The following MAPT variants were observed in gnomAD, a reference collection of about 807,000 sequenced individuals.
MAPT encodes the protein microtubule associated protein tau, also known as microtubule-associated protein tau.
In MAPT, 34 loss-of-function variants were observed where a neutral mutation model predicts 67.9. That is an observed-to-expected ratio of 0.50 (90% CI 0.38 to 0.67). The LOEUF (loss-of-function observed/expected upper bound fraction) is 0.67. Ranked by LOEUF, MAPT falls within the 30% of genes least tolerant of loss-of-function variation. The pLI, the probability that MAPT is intolerant of heterozygous loss-of-function variation, is 0.00. For missense variants in MAPT, 881 were observed against 1,115.2 expected (o/e 0.79, Z 2.99); for synonymous variants, 456 against 464.5 (o/e 0.98, Z 0.23).
intron 1 of MAPT, among the ~76,000 whole-genome samples, chr17:45,903,688 C>T (rs538007189): frequency 3.1e-4 from 38 of 124,160 alleles, no homozygotes; most frequent in African/African-American, 9.5e-4. Context: ...GCACTCTAGC[C>T]TGGGCGACAG....
intron 1 of MAPT, among the ~76,000 whole-genome samples, chr17:45,939,666 A>G (rs2067681169): frequency 6.6e-6 from 1 of 152,194 alleles, no homozygotes; most frequent in South Asian, 2.1e-4. Context: ...TTTCTCTTGA[A>G]CTGAGGAGTT....
At position 45,993,896 on chromosome 17, in the gene MAPT, A is replaced by T. The variant is rs1272240246; in HGVS notation, c.1732+2310A>T. On this transcript the variant is annotated intron_variant, in intron 8 of 12. Transcript: ENST00000262410. ...GGCCCTGTTTAAGCCTGATGATAAT[A>T]AGGCTTTCGTGGATTTTTCTCTTTA... 1.9e-6 allele frequency: 3 copies of T among 1,552,534 alleles called. No homozygotes were observed. In the African/African-American group the frequency reaches 4.1e-5, roughly 21 times the overall value.
intron 1 of MAPT, among the ~76,000 whole-genome samples, chr17:45,954,872 T>C (rs2069456316): frequency 1.3e-5 from 2 of 151,720 alleles, no homozygotes; most frequent in South Asian, 4.2e-4. Context: ...TAGTCCCAGC[T>C]ACTCGGGAGG....
chr17:45,996,754 T>G lies in MAPT; in HGVS notation c.1998+90T>G. 1 of 1,542,812 alleles carries G rather than the reference T, an allele frequency of 6.5e-7. No individual in the cohort carries two copies. The highest frequency in any genetic ancestry group is 1.2e-5 in the South Asian group (1 of 81,644). On this transcript the variant is annotated intron_variant, in intron 9 of 12. Transcript: ENST00000262410. This position sits in a 1 kb window ranked among gnomAD's most constrained non-coding sequence, Gnocchi z 4.5. ...GGAAGGGTAGGGCTGCGCCTGGAGG[T>G]GCGCGGTTGAGCGTGGAGTCGTGGG...
intron 4 of MAPT, among the ~76,000 whole-genome samples, chr17:45,982,029 AAAAAG>A (rs1158371051): frequency 2.0e-5 from 3 of 150,940 alleles, no homozygotes; most frequent in Non-Finnish European, 3.0e-5. Flanking sequence ...AAAAAAAAAA[AAAAAG>A]AAAGAAAGAA....
At chr17:45,988,614 G>GA (rs912040717) in intron 6 of MAPT, among the ~76,000 whole-genome samples, 207 of 150,668 alleles carry the variant, frequency 1.4e-3, no homozygotes, top group African/African-American at 4.9e-3. Context: ...CTGACAAACT[G>GA]AAAAAAAAAG....
intron 9 of MAPT, among the ~76,000 whole-genome samples, chr17:46,000,914 G>A (rs1258172861): frequency 6.6e-6 from 1 of 152,214 alleles, no homozygotes; most frequent in Non-Finnish European, 1.5e-5. Flanking sequence ...TCCAGACACA[G>A]AGACAAAGGA....
At chr17:45,963,746 G>T (rs184239822) in intron 2 of MAPT, among the ~76,000 whole-genome samples, 52 of 152,286 alleles carry the variant, frequency 3.4e-4, no homozygotes, top group Admixed American at 2.5e-3. Context: ...GGAGTGGGTG[G>T]GGTCTCTGGG....
In MAPT at chr17:45,903,959, T is replaced by A. The variant is rs1198946904; in HGVS notation, c.-18+9273T>A. On this transcript the variant is annotated intron_variant, in intron 1 of 12. Transcript: ENST00000262410. ...ATTTATATATAATATATATTATATA[T>A]TATATATTATATATTATATATTATA... is the stretch of plus-strand genomic sequence containing the variant. Among the ~76,000 whole-genome samples the A allele has an allele frequency of 2.7e-4, 5 of 18,550 alleles. No individual in the cohort carries two copies. The East Asian group carries it at 8.5e-3, about 31-fold the overall frequency. 12.2% of individuals were successfully genotyped at this position (18,550 alleles called of 152,430 possible).
At position 45,992,138 on chromosome 17, in the gene MAPT, T is replaced by TA. The variant is rs201140663; in HGVS notation, c.1732+561dup. The stretch of plus-strand genomic sequence containing the variant: ...AATTGAGGCTGATTCTGCAGCATGA[T>TA]AAAAAAAAATACAGAAAAAGGAAAA... On this transcript the variant is annotated intron_variant, in intron 8 of 12. Transcript: ENST00000262410. 5.3e-3 allele frequency among the ~76,000 whole-genome samples: 792 copies of TA among 149,580 alleles called. 7 individuals carry two copies. The highest frequency in any genetic ancestry group is 0.016 in the African/African-American group (661 of 40,698).
intron 8 of MAPT, chr17:45,993,985 G>A (rs1242215462): frequency 6.4e-7 from 1 of 1,565,676 alleles, no homozygotes; most frequent in Admixed American, 1.9e-5. Context: ...GAGGTACTCG[G>A]GAGCCTACTT....
intron 12 of MAPT, among the ~76,000 whole-genome samples, chr17:46,023,247 T>C (rs1386016402): frequency 6.6e-6 from 1 of 152,262 alleles, no homozygotes; most frequent in African/African-American, 2.4e-5. Context: ...ATGATGTTCA[T>C]ACGGGTTTAT....
chr17:46,011,675 C>T (rs375046816), intron 10 of MAPT, among the ~76,000 whole-genome samples: 6 of 152,240 alleles, frequency 3.9e-5, no homozygotes, highest in East Asian at 3.9e-4. Context: ...GGGTGGGAGG[C>T]GTTGATTTTT....
Position 45,990,015 on chromosome 17 carries a change from A to G in MAPT, c.1545A>G (p.Lys515=). The part of the protein sequence containing the change: ...AVCPEPPSSP[K]YVSSVTSRTG... ...GCCCAGAGCCACCTTCCTCTCCTAA[A>G]TACGTCTCTTCTGTCACTTCCCGAA... Residue 515 remains lysine, a synonymous_variant, in exon 7 of 13, where the codon AAA becomes AAG. Coordinates refer to ENST00000262410, the MANE Select transcript of MAPT (RefSeq NM_001377265.1). 6.2e-7 allele frequency: 1 copy of G among 1,614,094 alleles called. No individual in the cohort carries two copies. The highest frequency in any genetic ancestry group is 8.5e-7 in the Non-Finnish European group (1 of 1,180,040).
At chr17:45,904,465 A>T (rs113029914) in intron 1 of MAPT, among the ~76,000 whole-genome samples, 18,361 of 135,876 alleles carry the variant, frequency 0.14, 1,800 homozygotes, top group Non-Finnish European at 0.21. Flanking sequence ...CTGTGGGAGG[A>T]TCACTTGAAG....
In MAPT at chr17:45,901,250, A is replaced by G. The variant is rs577270403; in HGVS notation, c.-18+6564A>G. Among the ~76,000 whole-genome samples the G allele has an allele frequency of 7.0e-4, 106 of 152,318 alleles. 2 individuals are homozygous for G. Among genetic ancestry groups the G allele is most frequent in the Middle Eastern group, 3.4e-3 (1 of 294 alleles). ...AGGAATAAACTGCATGCTCTCCACC[A>G]GCCCAAACTGACCTGCCTTCCCGCC... On this transcript the variant is annotated intron_variant, in intron 1 of 12. Coordinates refer to ENST00000262410, the MANE Select transcript of MAPT (RefSeq NM_001377265.1).
chr17:45,972,143 T>C, intron 3 of MAPT, 198 bp downstream of exon 3: 1 of 694,308 alleles, frequency 1.4e-6, no homozygotes, highest in Non-Finnish European at 2.6e-6. Context: ...GGCACCTTCA[T>C]CCCGTGTGTG....
chr17:45,902,366 G>T (rs140582125), intron 1 of MAPT, among the ~76,000 whole-genome samples: 1 of 151,888 alleles, frequency 6.6e-6, no homozygotes, highest in African/African-American at 2.4e-5. Context: ...CACCGCGCCC[G>T]GCCAGCTTGC....
At chr17:46,009,171 G>A (rs1250524504) in intron 9 of MAPT, among the ~76,000 whole-genome samples, 2 of 152,092 alleles carry the variant, frequency 1.3e-5, no homozygotes, top group African/African-American at 4.8e-5. Flanking sequence ...CTGCACTCCA[G>A]CCTGGGTGAC....
Sources: allele counts gnomAD v4.1 joint callset (sites outside exome capture counted in the v4.1 genomes callset), GRCh38; gene constraint gnomAD v4.1.1; non-coding constraint Gnocchi (gnomAD v3.1); transcripts MANE v1.5; gene names NCBI Gene and HGNC (gene_info 2026-07-23, HGNC 2026-07-21).